Variants in SLC12A7 observed in about 807,000 individuals in gnomAD.
SLC12A7 encodes the protein solute carrier family 12 member 7.
In SLC12A7, 100 loss-of-function variants were observed where a neutral mutation model predicts 120.6. The observed-to-expected ratio is 0.83, with a 90% CI of 0.71 to 0.98. SLC12A7 has a LOEUF of 0.98. Among genes scored for constraint, SLC12A7 ranks in the 50% least tolerant of loss-of-function variants. The pLI is 0.00. For synonymous variants in SLC12A7, 760 were observed against 678.0 expected (o/e 1.12, Z -1.88); for missense variants, 1,373 against 1,548.1 (o/e 0.89, Z 1.90).
the SLC12A7 span, among the ~76,000 whole-genome samples, chr5:1,131,268 G>A: frequency 7.6e-4 from 116 of 152,290 alleles, no homozygotes; most frequent in African/African-American, 2.5e-3. Context: ...CGGCCGTCCT[G>A]CTCCTTGCCA....
chr5:1,142,634 CTCTG>C, the SLC12A7 span, among the ~76,000 whole-genome samples: 1 of 148,784 alleles, frequency 6.7e-6, no homozygotes, highest in Non-Finnish European at 1.5e-5. Context: ...CTCTCGCTGT[CTCTG>C]TCTGGCTGTC....
chr5:1,054,392 T>C (rs1488452020), intron 22 of SLC12A7, among the ~76,000 whole-genome samples: 2 of 152,290 alleles, frequency 1.3e-5, no homozygotes, highest in East Asian at 3.9e-4. Context: ...TGCTGTGAGG[T>C]GCTCAGGCCC....
chr5:1,090,957 ACCAGGGGCGGCCCCTGCCCTTCCACC>A (rs1237923438), intron 3 of SLC12A7, among the ~76,000 whole-genome samples: 1 of 151,988 alleles, frequency 6.6e-6, no homozygotes, highest in African/African-American at 2.4e-5. Flanking sequence ...GGCAAAGAGG[ACCAGGGGCGGCCCCTGCCCTTCCACC>A]CCAGGGGCCG....
intron 17 of SLC12A7, among the ~76,000 whole-genome samples, chr5:1,067,020 C>A (rs1737126613): frequency 6.6e-6 from 1 of 152,148 alleles, no homozygotes; most frequent in Admixed American, 6.5e-5. Flanking sequence ...ATCCTCACCC[C>A]CTACCCTGGC....
chr5:1,089,344 A>G (rs925550912), intron 3 of SLC12A7, among the ~76,000 whole-genome samples: 2 of 152,126 alleles, frequency 1.3e-5, no homozygotes, highest in African/African-American at 4.8e-5. Flanking sequence ...GCAGAACCAC[A>G]TGGTTGGCAG....
rs560266768 is a variant in SLC12A7, at chr5:1,057,808, G to A, written c.2848-159C>T. Among the ~76,000 whole-genome samples the A allele has an allele frequency of 2.6e-5, 4 of 152,246 alleles. 1 individual carries two copies. The East Asian group carries it at 5.8e-4, about 22-fold the overall frequency. ...GCCTGGCGTCCCACACTGGTCCTGC[G>A]CCGCCCCCGTGACTGCCTCCCTCCT... On this transcript the variant is annotated intron_variant, in intron 21 of 23. Coordinates refer to ENST00000264930, the MANE Select transcript of SLC12A7 (RefSeq NM_006598.3).
intron 22 of SLC12A7, among the ~76,000 whole-genome samples, chr5:1,054,686 T>C (rs4975571): frequency 0.92 from 139,391 of 152,134 alleles, 64,389 homozygotes; most frequent in East Asian, 1. Flanking sequence ...AGGCCGCCCA[T>C]GCAGGGTCAT....
intron 3 of SLC12A7, among the ~76,000 whole-genome samples, chr5:1,090,642 G>A (rs1740390541): frequency 6.6e-6 from 1 of 152,210 alleles, no homozygotes; most frequent in African/African-American, 2.4e-5. Context: ...TTCAGCTAAC[G>A]CAGGAGCCGA....
chr5:1,094,802 C>G (rs1049956133), intron 1 of SLC12A7, among the ~76,000 whole-genome samples: 1 of 152,206 alleles, frequency 6.6e-6, no homozygotes, highest in Non-Finnish European at 1.5e-5. Context: ...CCCACAGGCT[C>G]TCTAGGTAAA....
At chr5:1,107,125 C>T (rs1301523317) in intron 1 of SLC12A7, among the ~76,000 whole-genome samples, 1 of 152,214 alleles carries the variant, frequency 6.6e-6, no homozygotes, top group Non-Finnish European at 1.5e-5. Flanking sequence ...TATCTGCCCT[C>T]CCTCTTCTTT....
chr5:1,096,457 A>T (rs1337887667), intron 1 of SLC12A7, among the ~76,000 whole-genome samples: 1 of 152,010 alleles, frequency 6.6e-6, no homozygotes, highest in African/African-American at 2.4e-5. Context: ...TGTCTTTCCC[A>T]TCAATTATAG....
the SLC12A7 span, among the ~76,000 whole-genome samples, chr5:1,148,205 C>CTTTTTTTTTTTTTTTTTT: frequency 3.7e-5 from 4 of 107,636 alleles, no homozygotes; most frequent in South Asian, 3.2e-4. Context: ...TTCTTTCTTT[C>CTTTTTTTTTTTTTTTTTT]TTTTTTTTTT....
chr5:1,095,051 G>GGGGGCGGTAGGAGGCC (rs1740981633), intron 1 of SLC12A7, among the ~76,000 whole-genome samples: 1 of 130,288 alleles, frequency 7.7e-6, no homozygotes, highest in Non-Finnish European at 1.6e-5. Flanking sequence ...GGTAGGAGGC[G>GGGGGCGGTAGGAGGCC]GGGCCGGTAG....
At chr5:1,121,457 G>A in the SLC12A7 span, among the ~76,000 whole-genome samples, 2 of 152,204 alleles carry the variant, frequency 1.3e-5, no homozygotes, top group African/African-American at 2.4e-5. Context: ...AAGCAGGATC[G>A]TCACCCTCAC....
At chr5:1,130,775 C>T in the SLC12A7 span, among the ~76,000 whole-genome samples, 22,061 of 151,976 alleles carry the variant, frequency 0.15, 1,821 homozygotes, top group Non-Finnish European at 0.18. Flanking sequence ...CGCAGGTGGG[C>T]GGGTGGTGGG....
At chr5:1,054,511 G>A (rs1455835825) in intron 22 of SLC12A7, among the ~76,000 whole-genome samples, 1 of 152,014 alleles carries the variant, frequency 6.6e-6, no homozygotes, top group Admixed American at 6.6e-5. Context: ...GAAACGCTGG[G>A]CGGAGGGGAG....
chr5:1,095,842 T>C (rs1341590614), intron 1 of SLC12A7, among the ~76,000 whole-genome samples: 1 of 152,126 alleles, frequency 6.6e-6, no homozygotes, highest in African/African-American at 2.4e-5. Context: ...GTGCTCCCAG[T>C]AGGGTGCCTG....
chr5:1,119,023 C>T, the SLC12A7 span, among the ~76,000 whole-genome samples: 40 of 152,154 alleles, frequency 2.6e-4, 1 homozygote, highest in African/African-American at 9.6e-4. Flanking sequence ...CGACTGCTCC[C>T]GAAAGGAGGG....
chr5:1,115,001 G>T (rs1212928190), upstream of SLC12A7, among the ~76,000 whole-genome samples: 1 of 152,184 alleles, frequency 6.6e-6, no homozygotes, highest in East Asian at 1.9e-4. Flanking sequence ...TTTCCACAAC[G>T]GTGAATTGGT....
Sources: gnomAD v4.1 joint callset for allele counts (sites outside exome capture counted in the v4.1 genomes callset) on GRCh38, gnomAD v4.1.1 for gene constraint, MANE v1.5 for transcripts, NCBI Gene and HGNC (gene_info 2026-07-23, HGNC 2026-07-21) for gene names.